SLC8A1: variants seen among roughly 807,000 people sequenced by gnomAD.
The protein encoded by SLC8A1 is sodium/calcium exchanger 1.
SLC8A1 carries 18 observed loss-of-function variants against 68.3 expected under a neutral mutation model. That is an observed-to-expected ratio of 0.26 (90% CI 0.18 to 0.39). The LOEUF (loss-of-function observed/expected upper bound fraction) is 0.39, where lower values mean the gene tolerates loss of function less well. Ranked by LOEUF, SLC8A1 falls within the 10% of genes least tolerant of loss-of-function variation. The pLI is 1.00. For missense variants in SLC8A1, 985 were observed against 1,156.7 expected (o/e 0.85, Z 2.15); for synonymous variants, 475 against 415.5 (o/e 1.14, Z -1.74).
chr2:40,236,045 G>A (rs1486172138), intron 2 of SLC8A1, among the ~76,000 whole-genome samples: 2 of 152,044 alleles, frequency 1.3e-5, no homozygotes, highest in Admixed American at 6.6e-5. Context: ...TGGAAGAGGT[G>A]TGGTGTGGTG....
At chr2:40,238,172 G>C (rs2060676202) in intron 2 of SLC8A1, among the ~76,000 whole-genome samples, 2 of 152,164 alleles carry the variant, frequency 1.3e-5, no homozygotes, top group African/African-American at 4.8e-5. Flanking sequence ...ACCTAATCAA[G>C]CCTGGGCAAT....
intron 2 of SLC8A1, among the ~76,000 whole-genome samples, chr2:40,427,821 T>C (rs10427245): frequency 5.1e-4 from 77 of 152,290 alleles, no homozygotes; most frequent in African/African-American, 1.7e-3. Flanking sequence ...TTAATAAGGA[T>C]GTAAAATAAA....
intron 1 of SLC8A1, among the ~76,000 whole-genome samples, chr2:40,461,594 G>C (rs1483225984): frequency 6.6e-6 from 1 of 152,124 alleles, no homozygotes; most frequent in Non-Finnish European, 1.5e-5. Flanking sequence ...GTCTGACAAA[G>C]GATGGATTTT....
At chr2:40,167,638 C>G (rs2046772924) in intron 4 of SLC8A1, among the ~76,000 whole-genome samples, 1 of 152,132 alleles carries the variant, frequency 6.6e-6, no homozygotes, top group African/African-American at 2.4e-5. Context: ...TTTCTTAATT[C>G]CACACTTTTA....
chr2:40,431,910 T>C (rs1698403268), intron 1 of SLC8A1, among the ~76,000 whole-genome samples: 1 of 152,114 alleles, frequency 6.6e-6, no homozygotes, highest in African/African-American at 2.4e-5. Context: ...AAGCCCTTTA[T>C]AGCTCATCAC....
chr2:40,223,958 A>C (rs1195089665), intron 2 of SLC8A1, among the ~76,000 whole-genome samples: 1 of 152,118 alleles, frequency 6.6e-6, no homozygotes, highest in Non-Finnish European at 1.5e-5. Context: ...AAGCAGGAGG[A>C]GCCTCCAAAA....
chr2:40,432,722 G>A lies in SLC8A1; in HGVS notation c.-24-2418C>T, dbSNP rs112687241. ...TGCCATAAGGCATGGGCTTTGATGGGGTAGAAGATGAGAATCACTGGGAGG... is the reference window on the plus strand; with the variant it reads ...TGCCATAAGGCATGGGCTTTGATGGAGTAGAAGATGAGAATCACTGGGAGG... On this transcript the variant is annotated intron_variant, in intron 1 of 7. Coordinates refer to ENST00000406785, the Ensembl canonical transcript of SLC8A1. Among the ~76,000 whole-genome samples the A allele has an allele frequency of 9.2e-3, 1,392 of 151,972 alleles. 9 individuals carry two copies. The highest frequency in any genetic ancestry group is 0.014 in the Non-Finnish European group (919 of 67,952).
At chr2:40,196,756 C>T (rs940769583) in intron 2 of SLC8A1, among the ~76,000 whole-genome samples, 9 of 151,956 alleles carry the variant, frequency 5.9e-5, no homozygotes, top group African/African-American at 1.9e-4. Flanking sequence ...ACATTTAAAC[C>T]GCTCATGAAA....
At chr2:40,405,109 A>G (rs1689919409) in intron 2 of SLC8A1, among the ~76,000 whole-genome samples, 3 of 152,186 alleles carry the variant, frequency 2.0e-5, no homozygotes, top group African/African-American at 7.2e-5. Context: ...ATGTAAATGA[A>G]GCAGTCCTCA....
At chr2:40,253,248 CAT>C (rs575500464) in intron 2 of SLC8A1, among the ~76,000 whole-genome samples, 129 of 149,362 alleles carry the variant, frequency 8.6e-4, no homozygotes, top group African/African-American at 5.4e-4. Context: ...CGTATATACA[CAT>C]ATGTATACAT....
intron 2 of SLC8A1, among the ~76,000 whole-genome samples, chr2:40,225,655 C>T (rs1411533296): frequency 1.3e-5 from 2 of 152,092 alleles, no homozygotes; most frequent in East Asian, 1.9e-4. Context: ...ATCTTAAAGC[C>T]GCGCTTGCCT....
intron 2 of SLC8A1, among the ~76,000 whole-genome samples, chr2:40,179,680 G>A (rs529736476): frequency 6.6e-6 from 1 of 152,236 alleles, no homozygotes; most frequent in East Asian, 1.9e-4. Flanking sequence ...TTTAATTTTG[G>A]TGGAGTTTTT....
At chr2:40,219,358 A>G (rs986259735) in intron 2 of SLC8A1, among the ~76,000 whole-genome samples, 4 of 152,252 alleles carry the variant, frequency 2.6e-5, no homozygotes, top group Admixed American at 6.5e-5. Flanking sequence ...CCCTACTGTC[A>G]GCACATGGCA....
intron 1 of SLC8A1, among the ~76,000 whole-genome samples, chr2:40,472,635 T>G (rs1194450084): frequency 6.6e-6 from 1 of 152,140 alleles, no homozygotes; most frequent in Non-Finnish European, 1.5e-5. Context: ...CCCAAAGTAT[T>G]GGGATTATTG....
intron 2 of SLC8A1, among the ~76,000 whole-genome samples, chr2:40,329,024 A>G (rs2076135793): frequency 1.3e-5 from 2 of 151,262 alleles, no homozygotes; most frequent in South Asian, 4.2e-4. Context: ...TTCAACTCAC[A>G]CTACTTCTCT....
intron 1 of SLC8A1, among the ~76,000 whole-genome samples, chr2:40,502,190 T>A (rs1706097581): frequency 6.6e-6 from 1 of 152,110 alleles, no homozygotes; most frequent in African/African-American, 2.4e-5. Flanking sequence ...CAAAACTTTC[T>A]TTAGAAAAAT....
Position 40,174,688 on chromosome 2 carries a change from T to A in SLC8A1, c.1930+137A>T. 6.7e-7 allele frequency: 1 copy of A among 1,495,492 alleles called. No homozygotes were observed. The highest frequency in any genetic ancestry group is 9.2e-7 in the Non-Finnish European group (1 of 1,087,106). The allele number at this position is 1,495,492 out of a possible 1,614,324, so 92.6% of individuals were successfully genotyped here. A position where few individuals can be genotyped will look rare whatever the true frequency, so the allele number is the denominator to read the frequency against. On this transcript the variant is annotated intron_variant, in intron 4 of 7. Transcript: ENST00000406785. ...GTATTTGGGGAAAAATAAGGAACATTAAAAAAATAAGTCTTACCAAACAGG... is the reference window on the plus strand; with the variant it reads ...GTATTTGGGGAAAAATAAGGAACATAAAAAAAATAAGTCTTACCAAACAGG...
chr2:40,166,016 G>C (rs890174774), intron 4 of SLC8A1, among the ~76,000 whole-genome samples: 4 of 152,224 alleles, frequency 2.6e-5, no homozygotes, highest in African/African-American at 2.4e-5. Context: ...CCTCAGCCCT[G>C]ATGGCCTCAT....
chr2:40,217,254 C>A (rs2057640365), intron 2 of SLC8A1, among the ~76,000 whole-genome samples: 1 of 152,078 alleles, frequency 6.6e-6, no homozygotes, highest in Non-Finnish European at 1.5e-5. Flanking sequence ...ATATCATTTC[C>A]CCATTGCTTG....
Sources: gnomAD v4.1 joint callset for allele counts (sites outside exome capture counted in the v4.1 genomes callset) on GRCh38, gnomAD v4.1.1 for gene constraint, MANE v1.5 for transcripts, NCBI Gene and HGNC (gene_info 2026-07-23, HGNC 2026-07-21) for gene names.